Variants in TET3 observed in about 807,000 individuals in gnomAD.
The protein encoded by TET3 is methylcytosine dioxygenase TET3.
A neutral mutation model predicts 141.4 loss-of-function variants in TET3; 19 were observed. The observed-to-expected ratio is 0.13, with a 90% CI of 0.09 to 0.20. TET3 has a LOEUF of 0.20. TET3 is among the 10% of genes least tolerant of loss of function. The pLI is 1.00. For synonymous variants in TET3, 1,043 were observed against 980.9 expected, an observed-to-expected ratio of 1.06 and a Z score of -1.18; for missense variants, 1,874 against 2,356.9, an observed-to-expected ratio of 0.80 and a Z score of 4.24.
intron 4 of TET3, among the ~76,000 whole-genome samples, chr2:74,071,686 G>T (rs1425941306): frequency 6.6e-6 from 1 of 152,164 alleles, no homozygotes; most frequent in East Asian, 1.9e-4. Flanking sequence ...AGGACCCAAT[G>T]TAGGTTACTC....
chr2:74,003,427 T>TTG (rs1558701644), intron 3 of TET3, among the ~76,000 whole-genome samples: 1 of 149,872 alleles, frequency 6.7e-6, no homozygotes, highest in African/African-American at 2.5e-5. Flanking sequence ...TTGAACTGTT[T>TTG]TTTTTTTTTT....
At chr2:74,038,850 G>T (rs1241036723) in intron 3 of TET3, among the ~76,000 whole-genome samples, 1 of 152,196 alleles carries the variant, frequency 6.6e-6, no homozygotes, top group Non-Finnish European at 1.5e-5. Context: ...GTAACTGTAG[G>T]CTCTGGGGCA....
chr2:74,023,729 A>G (rs1014680888), intron 3 of TET3, among the ~76,000 whole-genome samples: 2 of 152,192 alleles, frequency 1.3e-5, no homozygotes, highest in Non-Finnish European at 2.9e-5. Flanking sequence ...GTTTTCCTAG[A>G]AAATTGTTCT....
intron 3 of TET3, among the ~76,000 whole-genome samples, chr2:74,022,193 T>G (rs1411377486): frequency 6.6e-6 from 1 of 151,874 alleles, no homozygotes; most frequent in Non-Finnish European, 1.5e-5. Context: ...CTATTTCTTT[T>G]CTGATTGGCA....
rs185543592 is a variant in TET3, at chr2:74,100,657, C to T, written c.3869C>T (p.Pro1290Leu). The change falls in exon 12 of 12, where the codon CCA (proline) becomes CTA (leucine). Residue 1290 changes from proline to leucine, a missense_variant. By Grantham distance (98) the Pro-to-Leu change is moderately conservative. Transcript: ENST00000409262. ...ALPSFSYYGF[P>L]SSNPVFPSQF... ...CCGTCTTTTAGCTACTATGGCTTTC[C>T]ATCCAGCAACCCCGTCTTCCCCTCT... is the stretch of plus-strand genomic sequence containing the variant. The T allele has an allele frequency of 3.8e-5, 61 of 1,613,944 alleles. No individual in the cohort carries two copies. The African/African-American group carries it at 7.9e-4, about 21-fold the overall frequency.
At chr2:74,097,195 G>GCAGACACACACA (rs1690896265) in intron 10 of TET3, among the ~76,000 whole-genome samples, 1 of 137,960 alleles carries the variant, frequency 7.2e-6, no homozygotes, top group Non-Finnish European at 1.6e-5. Context: ...AGCCATACAT[G>GCAGACACACACA]CACACACACA....
chr2:73,995,616 G>A (rs573387109), intron 2 of TET3, among the ~76,000 whole-genome samples: 4 of 152,226 alleles, frequency 2.6e-5, no homozygotes, highest in South Asian at 4.2e-4. Context: ...CATACTGGTC[G>A]ACTTTCAAAT....
chr2:74,070,369 A>G (rs989703764), intron 4 of TET3, among the ~76,000 whole-genome samples: 1 of 152,202 alleles, frequency 6.6e-6, no homozygotes, highest in Non-Finnish European at 1.5e-5. Context: ...AGATCTCATG[A>G]GACTTATTCA....
the TET3 span, among the ~76,000 whole-genome samples, chr2:74,118,440 CTGTAAA>C: frequency 3.9e-5 from 6 of 152,206 alleles, no homozygotes; most frequent in Non-Finnish European, 8.8e-5. Flanking sequence ...CAGTACGGTA[CTGTAAA>C]TGTATTTTCA....
intron 3 of TET3, among the ~76,000 whole-genome samples, chr2:74,003,418 T>G (rs1443574359): frequency 6.9e-6 from 1 of 145,666 alleles, no homozygotes. Context: ...CTTGGTTTGT[T>G]GAACTGTTTT....
chr2:74,098,461 G>C (rs1255555867), intron 10 of TET3, among the ~76,000 whole-genome samples: 3 of 152,224 alleles, frequency 2.0e-5, no homozygotes, highest in African/African-American at 4.8e-5. Context: ...TTGTGTACTT[G>C]TGTATGTACA....
At position 74,003,115 on chromosome 2, in the gene TET3, A is replaced by C; in HGVS notation, c.309A>C (p.Glu103Asp). ...TCCTCTGGCTTCTTTTGCAGGTGGA[A>C]ATAAAGGCTGGTGAAGGAGCCGGGC... is the stretch of plus-strand genomic sequence containing the variant. ...KKKVGLLKEV[E>D]IKAGEGAGPW... Residue 103 changes from glutamate (E) to aspartate (D), a missense_variant, in exon 3 of 12, where the codon GAA (glutamate) becomes GAC (aspartate). Around this residue, in one of 10 missense-constraint regions of TET3, gnomAD observed 366 missense variants for 487.0 expected, o/e 0.75. Coordinates refer to ENST00000409262, the MANE Select transcript of TET3 (RefSeq NM_001287491.2). 1 of 1,550,428 alleles carries C rather than the reference A, an allele frequency of 6.4e-7. No homozygotes were observed. The highest frequency in any genetic ancestry group is 1.2e-5 in the South Asian group (1 of 84,044).
chr2:74,003,559 A>AG (rs1173607624), intron 3 of TET3, among the ~76,000 whole-genome samples: 14 of 3,894 alleles, frequency 3.6e-3, no homozygotes, highest in African/African-American at 5.2e-3. Flanking sequence ...GTGTGCGGGG[A>AG]GGGGGGGTGG....
At chr2:74,133,489 G>A in the TET3 span, among the ~76,000 whole-genome samples, 11 of 152,186 alleles carry the variant, frequency 7.2e-5, no homozygotes, top group Non-Finnish European at 1.3e-4. Context: ...CACTTCCAAG[G>A]TGGCTCACCC....
At chr2:74,117,747 A>T in the TET3 span, among the ~76,000 whole-genome samples, 1 of 140,790 alleles carries the variant, frequency 7.1e-6, no homozygotes, top group Non-Finnish European at 1.5e-5. Context: ...CACAAAATCT[A>T]TTATATATAT....
intron 4 of TET3, among the ~76,000 whole-genome samples, chr2:74,072,537 A>T (rs572527175): frequency 6.6e-6 from 1 of 152,276 alleles, no homozygotes; most frequent in South Asian, 2.1e-4. Flanking sequence ...AATGTTTTCA[A>T]GGTTCATCCA....
At chr2:74,096,385 T>G (rs1417088238) in intron 10 of TET3, among the ~76,000 whole-genome samples, 1 of 152,240 alleles carries the variant, frequency 6.6e-6, no homozygotes, top group Non-Finnish European at 1.5e-5. Flanking sequence ...CATAAAAATA[T>G]AAGTTTTCTG....
chr2:74,057,129 GA>G lies in TET3; in HGVS notation c.2494+8722del, dbSNP rs1688261955. Reference sequence around the variant, plus strand: ...TTTGTAGCTGAGGGCCAACAGTACCGAAAAGGCTATTGTACAAAGAAAAAAT... The same window carrying G: ...TTTGTAGCTGAGGGCCAACAGTACCGAAAGGCTATTGTACAAAGAAAAAAT... On this transcript the variant is annotated intron_variant, in intron 4 of 11. Coordinates refer to ENST00000409262, the MANE Select transcript of TET3 (RefSeq NM_001287491.2). Among the ~76,000 whole-genome samples, 6 of 152,124 alleles carry G rather than the reference GA, an allele frequency of 3.9e-5. No individual in the cohort carries two copies. The South Asian group carries it at 1.2e-3, about 32-fold the overall frequency.
At chr2:74,025,323 C>G (rs1195149648) in intron 3 of TET3, among the ~76,000 whole-genome samples, 1 of 147,966 alleles carries the variant, frequency 6.8e-6, no homozygotes, top group East Asian at 2.0e-4. Flanking sequence ...GAGTCTCGCT[C>G]TGTTGCCCAG....
Sources: allele counts gnomAD v4.1 joint callset (sites outside exome capture counted in the v4.1 genomes callset), GRCh38; gene constraint gnomAD v4.1.1; regional missense constraint gnomAD v4.1.1; transcripts MANE v1.5; gene names NCBI Gene and HGNC (gene_info 2026-07-23, HGNC 2026-07-21).